DLC1: variants seen among roughly 807,000 people sequenced by gnomAD.
The protein encoded by DLC1 is rho GTPase-activating protein 7.
Under a neutral mutation model 140.3 loss-of-function variants are expected in DLC1, and 54 were observed. That is an observed-to-expected ratio of 0.38 (90% confidence interval 0.31 to 0.48). The LOEUF is 0.48. DLC1 is among the 20% of genes least tolerant of loss of function. The pLI, the probability that DLC1 is intolerant of heterozygous loss-of-function variation, is 0.96. For missense variants in DLC1, 2,536 were observed against 1,907.0 expected (o/e 1.33, Z -6.14); for synonymous variants, 986 against 728.1 (o/e 1.35, Z -5.70).
intron 4 of DLC1, among the ~76,000 whole-genome samples, chr8:13,332,582 C>T (rs1833640449): frequency 6.7e-6 from 1 of 150,256 alleles, no homozygotes; most frequent in African/African-American, 2.5e-5. Flanking sequence ...AGATGTCCAC[C>T]ACCACGCCCC....
In DLC1 at chr8:13,110,648, T is replaced by C. The variant is rs1820011602; in HGVS notation, c.1502+94A>G. ...TTTGCCAATAAAAACCTAACACAATTAGCAAGAACAAAAGCAAACAAAGCC... is the reference window on the plus strand; with the variant it reads ...TTTGCCAATAAAAACCTAACACAATCAGCAAGAACAAAAGCAAACAAAGCC... On this transcript the variant is annotated intron_variant, in intron 7 of 17. Transcript: ENST00000276297. The C allele has an allele frequency of 4.1e-6, 5 of 1,215,544 alleles. No individual in the cohort carries two copies. In the Admixed American group the frequency reaches 6.1e-5, roughly 15 times the overall value. 75.3% of individuals were successfully genotyped at this position (1,215,544 alleles called of 1,614,324 possible).
At position 13,539,173 on chromosome 8, in the gene DLC1, T is replaced by TTGTGTGTATGTA. The variant is rs5889450; in HGVS notation, c.-125-38978_-125-38977insTACATACACACA. ...TGCTTTTTTTCAGTAGATCTGCAAATTGTATGTATGTGTGTATGTATGTAT... is the reference window on the plus strand; with the variant it reads ...TGCTTTTTTTCAGTAGATCTGCAAATTGTGTGTATGTATGTATGTATGTGTGTATGTATGTAT... On this transcript the variant is annotated intron_variant, in intron 1 of 1. Transcript: ENST00000631382. 5.5e-3 allele frequency among the ~76,000 whole-genome samples: 603 copies of TTGTGTGTATGTA among 110,490 alleles called. 2 individuals are homozygous for TTGTGTGTATGTA. Among genetic ancestry groups the TTGTGTGTATGTA allele is most frequent in the African/African-American group, 6.4e-3 (175 of 27,358 alleles). 72.5% of individuals were successfully genotyped at this position (110,490 alleles called of 152,430 possible). A position where few individuals can be genotyped will look rare whatever the true frequency, so the allele number is the denominator to read the frequency against.
At chr8:13,295,930 A>G (rs6997030) in intron 5 of DLC1, among the ~76,000 whole-genome samples, 4,381 of 146,258 alleles carry the variant, frequency 0.03, 146 homozygotes, top group African/African-American at 0.068. Flanking sequence ...AGATGATCAG[A>G]TAAGATTCTT....
At chr8:13,214,404 A>G (rs996386597) in intron 5 of DLC1, 2 of 425,612 alleles carry the variant, frequency 4.7e-6, no homozygotes, top group Admixed American at 8.0e-5. Flanking sequence ...CCACTCTCCT[A>G]TTTGCTTGGT....
chr8:13,358,418 TG>T (rs1835049906), intron 4 of DLC1, among the ~76,000 whole-genome samples: 1 of 152,212 alleles, frequency 6.6e-6, no homozygotes, highest in Non-Finnish European at 1.5e-5. Flanking sequence ...GCCTTTGACT[TG>T]CATTTAGTCC....
intron 5 of DLC1, among the ~76,000 whole-genome samples, chr8:13,118,095 G>A (rs1458586905): frequency 1.4e-5 from 2 of 145,992 alleles, no homozygotes; most frequent in South Asian, 2.1e-4. Context: ...CTGCAGCATC[G>A]ACCTTCCGGG....
At chr8:13,506,566 C>CGTGT (rs747964779) in intron 1 of DLC1, among the ~76,000 whole-genome samples, 8 of 10,506 alleles carry the variant, frequency 7.6e-4, no homozygotes, top group African/African-American at 1.1e-3. Context: ...CACACACACA[C>CGTGT]ATGTGTGTGT....
In DLC1 at chr8:13,499,035, T is replaced by C; in HGVS notation, c.1023+14A>G. ...AAAATTTCAAAAGCCAGAGAATCTG[T>C]GCATATGTCTTACCTTTCTCTTACG... On this transcript the variant is annotated intron_variant, in intron 2 of 17. Transcript: ENST00000276297. The C allele has an allele frequency of 1.3e-6, 2 of 1,590,504 alleles. No homozygotes were observed. The highest frequency in any genetic ancestry group is 1.7e-6 in the Non-Finnish European group (2 of 1,170,904).
chr8:13,346,698 G>A (rs1334872015), intron 4 of DLC1, among the ~76,000 whole-genome samples: 1 of 152,320 alleles, frequency 6.6e-6, no homozygotes, highest in East Asian at 1.9e-4. Context: ...GAGGGCTGGA[G>A]TGGGCTTGCC....
intron 4 of DLC1, among the ~76,000 whole-genome samples, chr8:13,333,738 A>G (rs1029971787): frequency 1.3e-5 from 2 of 152,232 alleles, no homozygotes; most frequent in Non-Finnish European, 2.9e-5. Flanking sequence ...GGTTCCCTAA[A>G]TGGTTTCAAA....
At chr8:13,122,816 A>C (rs1345384821) in intron 5 of DLC1, among the ~76,000 whole-genome samples, 7 of 151,994 alleles carry the variant, frequency 4.6e-5, no homozygotes, top group Non-Finnish European at 1.0e-4. Context: ...AAAAAAAAAA[A>C]AACAAGAAGC....
chr8:13,225,373 G>A (rs1828746771), intron 5 of DLC1, among the ~76,000 whole-genome samples: 1 of 152,106 alleles, frequency 6.6e-6, no homozygotes, highest in Admixed American at 6.5e-5. Context: ...AGGAGTGGAT[G>A]TGAACAACCG....
intron 2 of DLC1, among the ~76,000 whole-genome samples, chr8:13,437,726 C>T (rs1839186526): frequency 6.6e-6 from 1 of 152,166 alleles, no homozygotes; most frequent in Non-Finnish European, 1.5e-5. Context: ...CATGACCTGG[C>T]TGCAGATGAT....
At chr8:13,556,101 A>G (rs117705186) in intron 1 of DLC1, among the ~76,000 whole-genome samples, 205 of 152,280 alleles carry the variant, frequency 1.3e-3, no homozygotes, top group African/African-American at 4.8e-3. Flanking sequence ...GTGCTAGGGC[A>G]GTGCTTCTCA....
chr8:13,238,107 T>C (rs1270939538), intron 5 of DLC1, among the ~76,000 whole-genome samples: 1 of 152,220 alleles, frequency 6.6e-6, no homozygotes, highest in African/African-American at 2.4e-5. Flanking sequence ...CAGTTCCTCA[T>C]GTGTGTATGT....
chr8:13,372,005 C>A (rs1342707470), intron 4 of DLC1, among the ~76,000 whole-genome samples: 2 of 152,104 alleles, frequency 1.3e-5, no homozygotes, highest in East Asian at 1.9e-4. Flanking sequence ...AGAGCCAGAT[C>A]CTCTTGAAAA....
At chr8:13,146,856 G>T (rs1457144697) in intron 5 of DLC1, among the ~76,000 whole-genome samples, 1 of 152,154 alleles carries the variant, frequency 6.6e-6, no homozygotes. Context: ...ACTTGACTGG[G>T]CCCGAATAGA....
At chr8:13,572,591 T>C (rs71522357) in intron 1 of DLC1, among the ~76,000 whole-genome samples, 1 of 152,114 alleles carries the variant, frequency 6.6e-6, no homozygotes, top group Non-Finnish European at 1.5e-5. Flanking sequence ...CCCATATATT[T>C]TCTTCTAAGA....
At chr8:13,195,867 G>T (rs151284716) in intron 5 of DLC1, among the ~76,000 whole-genome samples, 385 of 151,720 alleles carry the variant, frequency 2.5e-3, no homozygotes, top group Non-Finnish European at 4.5e-3. Flanking sequence ...ATGAGCAAGG[G>T]GTCATTATAG....
Sources: allele counts gnomAD v4.1 joint callset (sites outside exome capture counted in the v4.1 genomes callset), GRCh38; gene constraint gnomAD v4.1.1; transcripts MANE v1.5; gene names NCBI Gene and HGNC (gene_info 2026-07-23, HGNC 2026-07-21).